The following KCND3 variants were observed in gnomAD, a reference collection of about 807,000 sequenced individuals.
KCND3 encodes A-type voltage-gated potassium channel KCND3.
In KCND3, 9 loss-of-function variants were observed where a neutral mutation model predicts 51.1. The ratio of observed to expected loss-of-function variants is 0.18; its 90% CI spans 0.11 to 0.31. The LOEUF (loss-of-function observed/expected upper bound fraction) is 0.31, where lower values mean the gene tolerates loss of function less well. Among genes scored for constraint, KCND3 ranks in the 10% least tolerant of loss-of-function variants. KCND3 has a pLI of 1.00. For missense variants in KCND3, 526 were observed against 903.8 expected, an observed-to-expected ratio of 0.58 and a Z score of 5.36; for synonymous variants, 349 against 368.0, an observed-to-expected ratio of 0.95 and a Z score of 0.59.
At chr1:111,932,093 C>T (rs914458757) in intron 2 of KCND3, among the ~76,000 whole-genome samples, 2 of 152,236 alleles carry the variant, frequency 1.3e-5, no homozygotes, top group African/African-American at 4.8e-5. Context: ...TCAGATTGCA[C>T]CACTCTGACC....
intron 2 of KCND3, among the ~76,000 whole-genome samples, chr1:111,864,164 G>T (rs1045350299): frequency 3.3e-5 from 5 of 152,266 alleles, no homozygotes; most frequent in African/African-American, 1.2e-4. Flanking sequence ...CGTGTGGAAG[G>T]CAGGATGGGG....
At chr1:111,800,734 C>T (rs551491259) in intron 2 of KCND3, among the ~76,000 whole-genome samples, 4 of 152,288 alleles carry the variant, frequency 2.6e-5, no homozygotes, top group South Asian at 4.1e-4. Flanking sequence ...AGCCACTTGC[C>T]CCCTGCCTAG....
chr1:111,988,111 A>G (rs1301267755), intron 1 of KCND3, among the ~76,000 whole-genome samples: 3 of 152,198 alleles, frequency 2.0e-5, no homozygotes, highest in Admixed American at 2.0e-4. Flanking sequence ...CAATGACCTC[A>G]GTGGAGAGCC....
At chr1:111,950,642 G>A (rs1673015379) in intron 2 of KCND3, among the ~76,000 whole-genome samples, 1 of 152,218 alleles carries the variant, frequency 6.6e-6, no homozygotes, top group African/African-American at 2.4e-5. Context: ...GAAATCTTAA[G>A]AGAGAATGGG....
At chr1:111,818,907 C>T (rs931325190) in intron 2 of KCND3, among the ~76,000 whole-genome samples, 2 of 152,090 alleles carry the variant, frequency 1.3e-5, no homozygotes, top group Non-Finnish European at 2.9e-5. Flanking sequence ...AAGAAGAGAC[C>T]CAAGAAAAGA....
rs775451588 is a variant in KCND3, at chr1:111,775,417, A to G, written c.*660T>C. On this transcript the variant is annotated 3_prime_UTR_variant, in exon 8 of 8. Coordinates refer to ENST00000302127, the MANE Select transcript of KCND3 (RefSeq NM_001378969.1). Reference sequence around the variant, plus strand: ...GGCCCAGGCTCAGTTGACCTCACCCACCTGGGGGAATGGAGAGAGAACTCA... The same window carrying G: ...GGCCCAGGCTCAGTTGACCTCACCCGCCTGGGGGAATGGAGAGAGAACTCA... The G allele has an allele frequency of 1.3e-5, 2 of 159,790 alleles. No individual in the cohort carries two copies. Among genetic ancestry groups the G allele is most frequent in the Non-Finnish European group, 2.8e-5 (2 of 72,104 alleles). 9.9% of individuals were successfully genotyped at this position (159,790 alleles called of 1,614,324 possible). A position where few individuals can be genotyped will look rare whatever the true frequency, so the allele number is the denominator to read the frequency against.
At chr1:111,920,062 A>G (rs1308157466) in intron 2 of KCND3, among the ~76,000 whole-genome samples, 1 of 152,206 alleles carries the variant, frequency 6.6e-6, no homozygotes, top group African/African-American at 2.4e-5. Flanking sequence ...AGGCCACTGG[A>G]CCAATGACCA....
intron 2 of KCND3, among the ~76,000 whole-genome samples, chr1:111,851,356 G>A (rs1043870063): frequency 6.6e-6 from 1 of 152,186 alleles, no homozygotes; most frequent in Non-Finnish European, 1.5e-5. Context: ...GTCAATGAGC[G>A]CAGTGTGAGT....
intron 2 of KCND3, among the ~76,000 whole-genome samples, chr1:111,885,730 T>C (rs1571796786): frequency 6.6e-6 from 1 of 151,832 alleles, no homozygotes; most frequent in South Asian, 2.1e-4. Flanking sequence ...TGGAGTAGAG[T>C]GGCGTGATTT....
chr1:111,967,451 C>T (rs1195165178), intron 2 of KCND3, among the ~76,000 whole-genome samples: 6 of 152,202 alleles, frequency 3.9e-5, no homozygotes, highest in African/African-American at 1.2e-4. Context: ...TCTCCAAGCA[C>T]GGCACCTCAG....
chr1:111,964,634 C>T lies in KCND3; in HGVS notation c.1106+16987G>A, dbSNP rs180717351. On this transcript the variant is annotated intron_variant, in intron 2 of 7. Coordinates refer to ENST00000302127, the MANE Select transcript of KCND3 (RefSeq NM_001378969.1). ...AGGCAGCACTAACTCAGAGGGGCTC[C>T]TCTTGCAGCAGAATCAAAGTTTATA... Among the ~76,000 whole-genome samples, 3 of 152,318 alleles carry T rather than the reference C, an allele frequency of 2.0e-5. No homozygotes were observed. In the East Asian group the frequency reaches 5.8e-4, roughly 29 times the overall value.
intron 2 of KCND3, among the ~76,000 whole-genome samples, chr1:111,932,335 C>T (rs532476300): frequency 1.3e-5 from 2 of 152,340 alleles, no homozygotes; most frequent in South Asian, 4.1e-4. Context: ...CAGCTCTTAA[C>T]CAGCTCCACC....
chr1:111,946,625 A>C (rs1029551407), intron 2 of KCND3, among the ~76,000 whole-genome samples: 3 of 152,200 alleles, frequency 2.0e-5, no homozygotes, highest in African/African-American at 7.2e-5. Flanking sequence ...ACCTCATTGG[A>C]CTGAGAATAC....
intron 2 of KCND3, among the ~76,000 whole-genome samples, chr1:111,932,059 CA>C (rs1672000028): frequency 6.6e-6 from 1 of 152,224 alleles, no homozygotes; most frequent in South Asian, 2.1e-4. Context: ...TCTTCAAAGC[CA>C]GCCGCAGCAG....
chr1:111,798,374 C>A (rs956687051), intron 2 of KCND3, among the ~76,000 whole-genome samples: 2 of 152,182 alleles, frequency 1.3e-5, no homozygotes, highest in African/African-American at 4.8e-5. Flanking sequence ...CTTTCCCTGA[C>A]TTCCCCAGGC....
chr1:111,775,061 T>C lies in KCND3; in HGVS notation c.*1016A>G, dbSNP rs997510289. On this transcript the variant is annotated 3_prime_UTR_variant, in exon 8 of 8. Transcript: ENST00000302127. ...AAACTGAAACTGCAAACACGAGTGG[T>C]TCCAACCCCAAGGGAAGTACCTCTG... 6.6e-6 allele frequency: 1 copy of C among 152,198 alleles called. No homozygotes were observed. Among genetic ancestry groups the C allele is most frequent in the Non-Finnish European group, 1.5e-5 (1 of 68,042 alleles). 9.4% of individuals were successfully genotyped at this position (152,198 alleles called of 1,614,324 possible). A position where few individuals can be genotyped will look rare whatever the true frequency, so the allele number is the denominator to read the frequency against.
At chr1:111,983,430 C>T (rs1456362753) in intron 1 of KCND3, among the ~76,000 whole-genome samples, 1 of 152,172 alleles carries the variant, frequency 6.6e-6, no homozygotes, top group Non-Finnish European at 1.5e-5. Flanking sequence ...CAAAGTGCTA[C>T]TCTGAGGGAC....
At chr1:111,947,096 G>T (rs1672813344) in intron 2 of KCND3, among the ~76,000 whole-genome samples, 1 of 152,082 alleles carries the variant, frequency 6.6e-6, no homozygotes, top group Non-Finnish European at 1.5e-5. Context: ...TTTGATTAGA[G>T]AATTTAATCT....
rs1674221177 is a variant in KCND3 at position 111,969,785 on chromosome 1, C to A, written c.1106+11836G>T. On this transcript the variant is annotated intron_variant, in intron 2 of 7. Transcript: ENST00000302127. Reference sequence around the variant, plus strand: ...CTTCTGGCTAACAACCCTAAAGAGACTCAAACACAGCTATTAAATCGTCAT... The same window carrying A: ...CTTCTGGCTAACAACCCTAAAGAGAATCAAACACAGCTATTAAATCGTCAT... 1.3e-5 allele frequency among the ~76,000 whole-genome samples: 2 copies of A among 152,138 alleles called. 1 individual carries two copies. Among genetic ancestry groups the A allele is most frequent in the South Asian group, 4.1e-4 (2 of 4,830 alleles).
Sources: gnomAD v4.1 joint callset for allele counts (sites outside exome capture counted in the v4.1 genomes callset) on GRCh38, gnomAD v4.1.1 for gene constraint, MANE v1.5 for transcripts, NCBI Gene and HGNC (gene_info 2026-07-23, HGNC 2026-07-21) for gene names.